Variants in HS3ST4 observed in about 807,000 individuals in gnomAD.
HS3ST4 encodes the protein heparan sulfate glucosamine 3-O-sulfotransferase 4.
In HS3ST4, 17 loss-of-function variants were observed where a neutral mutation model predicts 29.2. That is an observed-to-expected ratio of 0.58 (90% CI 0.40 to 0.87). The LOEUF (loss-of-function observed/expected upper bound fraction) is 0.87, where lower values mean the gene tolerates loss of function less well. Ranked by LOEUF, HS3ST4 falls within the 40% of genes least tolerant of loss-of-function variation. HS3ST4 has a pLI of 0.00. For synonymous variants in HS3ST4, 314 were observed against 285.7 expected (o/e 1.10, Z -1.00); for missense variants, 627 against 634.5 (o/e 0.99, Z 0.13).
At position 25,945,933 on chromosome 16, in the gene HS3ST4, T is replaced by C. The variant is rs192108308; in HGVS notation, c.735-189679T>C. Reference sequence around the variant, plus strand: ...TACATGATTGATAGATTCCCTTTTTTCCCTAGCACCCATTCAAAATGAAGT... The same window carrying C: ...TACATGATTGATAGATTCCCTTTTTCCCCTAGCACCCATTCAAAATGAAGT... On this transcript the variant is annotated intron_variant, in intron 1 of 1. Transcript: ENST00000331351. 5.6e-4 allele frequency among the ~76,000 whole-genome samples: 85 copies of C among 152,338 alleles called. No homozygotes were observed. In the East Asian group the frequency reaches 0.011, roughly 19 times the overall value.
chr16:26,049,327 G>GGCCGGAGGTCTACA (rs1898307168), intron 1 of HS3ST4, among the ~76,000 whole-genome samples: 2 of 125,812 alleles, frequency 1.6e-5, no homozygotes, highest in African/African-American at 6.4e-5. Context: ...CTGCTGGGAA[G>GGCCGGAGGTCTACA]TCCGGAGGTC....
chr16:25,695,475 C>G (rs1244619694), intron 1 of HS3ST4, among the ~76,000 whole-genome samples: 1 of 152,234 alleles, frequency 6.6e-6, no homozygotes, highest in African/African-American at 2.4e-5. Context: ...AGCCTTACCA[C>G]AGACAGCGGT....
rs910006775 is a variant in HS3ST4 at position 26,111,028 on chromosome 16, AT to A, written c.735-24576del. Among the ~76,000 whole-genome samples, 379 of 150,514 alleles carry A rather than the reference AT, an allele frequency of 2.5e-3. 2 individuals are homozygous for A. Among genetic ancestry groups the A allele is most frequent in the African/African-American group, 8.5e-3 (347 of 40,994 alleles). On this transcript the variant is annotated intron_variant, in intron 1 of 1. Coordinates refer to ENST00000331351, the MANE Select transcript of HS3ST4 (RefSeq NM_006040.3). ...TGTGCACGCGTTTGGGGTACAATTTATTTTTTTTGTTAAGTAGGGAAGGATT... is the reference window on the plus strand; with the variant it reads ...TGTGCACGCGTTTGGGGTACAATTTATTTTTTTGTTAAGTAGGGAAGGATT...
rs1966253611 is a variant in HS3ST4 at position 25,692,217 on chromosome 16, T to G, written c.-201T>G. ...GCGGGCAGCGTGGGGCGGGGGGCCA[T>G]GCGGCCGGGCTCCCCCCTGGCGCAG... On this transcript the variant is annotated 5_prime_UTR_variant, in exon 1 of 2. It removes an upstream start codon present in the reference 5' UTR. Transcript: ENST00000331351. 1 of 147,728 alleles carries G rather than the reference T, an allele frequency of 6.8e-6. No individual in the cohort carries two copies. The highest frequency in any genetic ancestry group is 2.5e-5 in the African/African-American group (1 of 40,100). The allele number at this position is 147,728 out of a possible 1,614,324, so 9.2% of individuals were successfully genotyped here. A position where few individuals can be genotyped will look rare whatever the true frequency, so the allele number is the denominator to read the frequency against.
chr16:26,086,424 A>G (rs1268364727), intron 1 of HS3ST4, among the ~76,000 whole-genome samples: 1 of 151,112 alleles, frequency 6.6e-6, no homozygotes, highest in Non-Finnish European at 1.5e-5. Flanking sequence ...ATCTCGGCTC[A>G]CTGCAAGCTC....
chr16:25,959,826 C>A (rs138568809), intron 1 of HS3ST4, among the ~76,000 whole-genome samples: 5 of 152,148 alleles, frequency 3.3e-5, no homozygotes, highest in Non-Finnish European at 7.4e-5. Context: ...TGTATTAGTT[C>A]ATGCAAGATC....
chr16:26,045,777 T>C (rs1457988584), intron 1 of HS3ST4, among the ~76,000 whole-genome samples: 1 of 152,208 alleles, frequency 6.6e-6, no homozygotes, highest in Non-Finnish European at 1.5e-5. Context: ...TTTTATAACA[T>C]CCCAAGTTCT....
intron 1 of HS3ST4, among the ~76,000 whole-genome samples, chr16:25,743,194 C>T (rs557062180): frequency 2.2e-4 from 33 of 152,266 alleles, no homozygotes; most frequent in African/African-American, 6.7e-4. Flanking sequence ...GTGTGGGCTC[C>T]GAGGACCAGA....
Position 25,965,909 on chromosome 16 carries a change from G to A in HS3ST4, c.735-169703G>A, listed in dbSNP as rs148837957. Among the ~76,000 whole-genome samples, 398 of 152,290 alleles carry A rather than the reference G, an allele frequency of 2.6e-3. 4 individuals carry two copies. Among genetic ancestry groups the A allele is most frequent in the African/African-American group, 9.1e-3 (379 of 41,556 alleles). ...TCCCAGGCTGGTCTCGAACTCCGTT[G>A]CTCAAGTGATCCTCCCACCTGGGCC... is the stretch of plus-strand genomic sequence containing the variant. On this transcript the variant is annotated intron_variant, in intron 1 of 1. Transcript: ENST00000331351.
intron 1 of HS3ST4, among the ~76,000 whole-genome samples, chr16:25,701,078 T>A (rs546239013): frequency 6.6e-6 from 1 of 152,252 alleles, no homozygotes; most frequent in Non-Finnish European, 1.5e-5. Context: ...GCTCAAATGA[T>A]GTCACTAGGC....
chr16:26,016,486 A>G (rs901958984), intron 1 of HS3ST4, among the ~76,000 whole-genome samples: 1 of 152,176 alleles, frequency 6.6e-6, no homozygotes, highest in African/African-American at 2.4e-5. Context: ...TAGCTTGAAT[A>G]CTTCTCTATC....
At chr16:25,753,511 C>A (rs1369071590) in intron 1 of HS3ST4, among the ~76,000 whole-genome samples, 1 of 151,618 alleles carries the variant, frequency 6.6e-6, no homozygotes, top group Admixed American at 6.6e-5. Flanking sequence ...ATGATTATCT[C>A]ATTTATTCCT....
At chr16:25,776,116 C>A (rs890334387) in intron 1 of HS3ST4, among the ~76,000 whole-genome samples, 2 of 152,160 alleles carry the variant, frequency 1.3e-5, no homozygotes, top group Admixed American at 1.3e-4. Context: ...CCTCTTGACT[C>A]CTGTACCTTG....
intron 1 of HS3ST4, among the ~76,000 whole-genome samples, chr16:25,924,825 T>G (rs1334959904): frequency 6.6e-6 from 1 of 152,180 alleles, no homozygotes; most frequent in Non-Finnish European, 1.5e-5. Context: ...CCTCTATGGT[T>G]TTGGATAATG....
At chr16:25,838,519 C>T (rs1311914992) in intron 1 of HS3ST4, among the ~76,000 whole-genome samples, 2 of 152,188 alleles carry the variant, frequency 1.3e-5, no homozygotes, top group African/African-American at 2.4e-5. Flanking sequence ...TCTTCCATCT[C>T]TCTGTTACTG....
chr16:25,791,155 C>T (rs534980803), intron 1 of HS3ST4, among the ~76,000 whole-genome samples: 12 of 151,876 alleles, frequency 7.9e-5, no homozygotes, highest in South Asian at 2.1e-4. Context: ...CCACTTTCCC[C>T]GCATTGCAGT....
At chr16:25,878,263 A>G (rs111583188) in intron 1 of HS3ST4, among the ~76,000 whole-genome samples, 8 of 152,252 alleles carry the variant, frequency 5.3e-5, no homozygotes, top group African/African-American at 1.9e-4. Flanking sequence ...ACTGTTTTTT[A>G]TAGCTTCTTA....
intron 1 of HS3ST4, among the ~76,000 whole-genome samples, chr16:25,972,205 T>C (rs917044655): frequency 6.6e-6 from 1 of 152,242 alleles, no homozygotes; most frequent in Non-Finnish European, 1.5e-5. Context: ...TAGCTAGCTA[T>C]TGCTCTGTAA....
chr16:25,901,951 C>T (rs934567526), intron 1 of HS3ST4, among the ~76,000 whole-genome samples: 3 of 152,172 alleles, frequency 2.0e-5, no homozygotes, highest in Admixed American at 2.0e-4. Context: ...GTAATAACAC[C>T]GTTGTATCTT....
Sources: allele counts gnomAD v4.1 joint callset (sites outside exome capture counted in the v4.1 genomes callset), GRCh38; gene constraint gnomAD v4.1.1; transcripts MANE v1.5; gene names NCBI Gene and HGNC (gene_info 2026-07-23, HGNC 2026-07-21).